The following SUSD1 variants were observed in gnomAD, a reference collection of about 807,000 sequenced individuals.
The protein encoded by SUSD1 is sushi domain-containing protein 1.
In SUSD1, 65 loss-of-function variants were observed where a neutral mutation model predicts 86.9. That is an observed-to-expected ratio of 0.75 (90% confidence interval 0.61 to 0.92). The LOEUF (loss-of-function observed/expected upper bound fraction) is 0.92. Among genes scored for constraint, SUSD1 ranks in the 40% least tolerant of loss-of-function variants. The pLI is 0.00. For missense variants in SUSD1, 850 were observed against 929.7 expected (o/e 0.91, Z 1.11); for synonymous variants, 346 against 350.0 (o/e 0.99, Z 0.13).
At chr9:112,160,266 GGGC>G (rs1833507691) in intron 1 of SUSD1, among the ~76,000 whole-genome samples, 6 of 152,180 alleles carry the variant, frequency 3.9e-5, no homozygotes, top group African/African-American at 1.4e-4. Flanking sequence ...AAATGAGGCT[GGGC>G]GGAGTGGCTC....
At chr9:112,069,964 T>C (rs1401294212) in intron 12 of SUSD1, among the ~76,000 whole-genome samples, 3 of 152,172 alleles carry the variant, frequency 2.0e-5, no homozygotes, top group East Asian at 3.9e-4. Context: ...TTGCCTAAGG[T>C]CTCCCTGCCC....
intron 10 of SUSD1, among the ~76,000 whole-genome samples, chr9:112,097,053 G>T (rs567946600): frequency 1.2e-4 from 18 of 151,962 alleles, no homozygotes; most frequent in Non-Finnish European, 7.4e-5. Flanking sequence ...AGCCAGACAC[G>T]GTGGCTCACA....
chr9:112,132,010 A>C (rs1370490533), intron 5 of SUSD1, among the ~76,000 whole-genome samples: 3 of 152,230 alleles, frequency 2.0e-5, no homozygotes, highest in East Asian at 1.9e-4. Flanking sequence ...TTGAAGATAA[A>C]AATGTTTATC....
intron 6 of SUSD1, among the ~76,000 whole-genome samples, chr9:112,122,552 C>T (rs764491404): frequency 6.6e-6 from 1 of 152,100 alleles, no homozygotes; most frequent in Non-Finnish European, 1.5e-5. Flanking sequence ...CCTCAGCCTC[C>T]CAAAGTACAG....
At position 112,170,717 on chromosome 9, in the gene SUSD1, A is replaced by AGC. The variant is rs2131865653; in HGVS notation, c.103+4415_103+4416insGC. On this transcript the variant is annotated intron_variant, in intron 1 of 16. Transcript: ENST00000374270. ...CATATATATATATATATATAGAGAG[A>AGC]GAGAGAGAGAGAGAGAGAGCCTTGC... 2.0e-5 allele frequency among the ~76,000 whole-genome samples: 3 copies of AGC among 150,728 alleles called. No individual in the cohort carries two copies. The South Asian group carries it at 6.3e-4, about 32-fold the overall frequency.
At chr9:112,165,957 GA>G (rs1382372704) in intron 1 of SUSD1, among the ~76,000 whole-genome samples, 1 of 146,834 alleles carries the variant, frequency 6.8e-6, no homozygotes, top group African/African-American at 2.6e-5. Flanking sequence ...AAGAAAGAAA[GA>G]AAGAAAGAAA....
intron 10 of SUSD1, among the ~76,000 whole-genome samples, chr9:112,085,787 T>C (rs1366287347): frequency 6.6e-6 from 1 of 152,170 alleles, no homozygotes; most frequent in Non-Finnish European, 1.5e-5. Flanking sequence ...TCATCAAAGA[T>C]AATGGTGGCC....
intron 14 of SUSD1, among the ~76,000 whole-genome samples, chr9:112,053,513 CAAAAA>C (rs56987871): frequency 2.6e-5 from 2 of 77,666 alleles, no homozygotes; most frequent in African/African-American, 6.1e-5. Context: ...GACTTCGTCT[CAAAAA>C]AAAAAAAAAA....
intron 3 of SUSD1, among the ~76,000 whole-genome samples, chr9:112,143,969 G>C (rs903948264): frequency 3.2e-4 from 49 of 152,078 alleles, no homozygotes; most frequent in African/African-American, 1.2e-3. Context: ...ACCGGGCATG[G>C]TGGCTCACAC....
intron 10 of SUSD1, among the ~76,000 whole-genome samples, chr9:112,084,818 C>T (rs1829908499): frequency 6.6e-6 from 1 of 152,092 alleles, no homozygotes; most frequent in Non-Finnish European, 1.5e-5. Context: ...CCCGCTGGGC[C>T]AATGTGATCT....
intron 10 of SUSD1, among the ~76,000 whole-genome samples, chr9:112,087,673 A>C (rs979388174): frequency 6.6e-6 from 1 of 152,182 alleles, no homozygotes; most frequent in Non-Finnish European, 1.5e-5. Context: ...AACTGAAAAT[A>C]ATAAAAATGA....
intron 8 of SUSD1, among the ~76,000 whole-genome samples, chr9:112,108,762 A>G (rs1830951932): frequency 7.5e-6 from 1 of 133,808 alleles, no homozygotes; most frequent in Admixed American, 8.0e-5. Flanking sequence ...TGGGTGACAG[A>G]GCTGGGTGTC....
At chr9:112,075,415 A>G (rs1046039597) in intron 12 of SUSD1, among the ~76,000 whole-genome samples, 1 of 152,182 alleles carries the variant, frequency 6.6e-6, no homozygotes, top group Admixed American at 6.5e-5. Flanking sequence ...GAAAATAAAA[A>G]AAAAATAAGT....
intron 15 of SUSD1, among the ~76,000 whole-genome samples, chr9:112,044,260 AG>A (rs1827863154): frequency 6.6e-6 from 1 of 152,254 alleles, no homozygotes; most frequent in African/African-American, 2.4e-5. Flanking sequence ...AACAAATCCA[AG>A]CATATCAAAT....
At chr9:112,112,889 C>G in intron 6 of SUSD1, 21 bp from the exon 7 acceptor site, 1 of 1,539,004 alleles carries the variant, frequency 6.5e-7, no homozygotes, top group South Asian at 1.1e-5. Flanking sequence ...AAAAGGCAGT[C>G]AACTCACAAA....
chr9:112,124,138 G>A, intron 6 of SUSD1, 119 bp downstream of exon 6: 1 of 971,408 alleles, frequency 1.0e-6, no homozygotes, highest in South Asian at 2.8e-5. Flanking sequence ...GCACAACCAG[G>A]TAAATAGCCG....
At chr9:112,156,547 C>T (rs1833333465) in intron 2 of SUSD1, among the ~76,000 whole-genome samples, 1 of 151,998 alleles carries the variant, frequency 6.6e-6, no homozygotes, top group Admixed American at 6.6e-5. Flanking sequence ...CCTGGAAGTA[C>T]AGGCATGTGC....
At chr9:112,062,524 G>T (rs1375593962) in intron 13 of SUSD1, among the ~76,000 whole-genome samples, 3 of 151,912 alleles carry the variant, frequency 2.0e-5, no homozygotes, top group Non-Finnish European at 4.4e-5. Flanking sequence ...GCAAAACCTC[G>T]TCTCAACTAA....
chr9:112,072,119 CT>C (rs1052976219), intron 12 of SUSD1, among the ~76,000 whole-genome samples: 16 of 140,930 alleles, frequency 1.1e-4, no homozygotes, highest in African/African-American at 4.2e-4. Flanking sequence ...TATTTTTATT[CT>C]TTTTTATTTC....
Sources: allele counts gnomAD v4.1 joint callset (sites outside exome capture counted in the v4.1 genomes callset), GRCh38; gene constraint gnomAD v4.1.1; transcripts MANE v1.5; gene names NCBI Gene and HGNC (gene_info 2026-07-23, HGNC 2026-07-21).